The following PHLDA3 variants were observed in gnomAD, a reference collection of about 807,000 sequenced individuals.
The protein encoded by PHLDA3 is pleckstrin homology-like domain family A member 3.
A neutral mutation model predicts 7.6 loss-of-function variants in PHLDA3; 12 were observed. The ratio of observed to expected loss-of-function variants is 1.58; its 90% CI spans 1.01 to 2.55. PHLDA3 has a LOEUF of 2.55. PHLDA3 is among the 30% of genes most tolerant of loss of function. The pLI, the probability that PHLDA3 is intolerant of heterozygous loss-of-function variation, is 0.00. For synonymous variants in PHLDA3, 104 were observed against 85.1 expected (o/e 1.22, Z -1.23); for missense variants, 177 against 175.6 (o/e 1.01, Z -0.05).
Position 201,468,778 on chromosome 1 carries a change from C to T in PHLDA3, c.9G>A (p.Ala3=), listed in dbSNP as rs116041133. Residue 3 remains alanine, a synonymous_variant, in exon 1 of 2, where the codon GCG becomes GCA. Transcript: ENST00000367311. The stretch of plus-strand genomic sequence containing the variant: ...CCTTGAGCACGGTAGCCGTCGCCGC[C>T]GCCGTCATGGGCGCCCCGAGGTTCG... MT[A]AATATVLKEG... 3.5e-5 allele frequency: 55 copies of T among 1,555,352 alleles called. No individual in the cohort carries two copies. In the East Asian group the frequency reaches 1.3e-3, roughly 37 times the overall value.
intron 1 of PHLDA3, among the ~76,000 whole-genome samples, chr1:201,467,269 C>T (rs1195421091): frequency 6.6e-6 from 1 of 152,032 alleles, no homozygotes; most frequent in African/African-American, 2.4e-5. Context: ...TGAGCCATGA[C>T]TATGCTACTG....
chr1:201,467,260 G>T (rs1663684508), intron 1 of PHLDA3, among the ~76,000 whole-genome samples: 1 of 152,046 alleles, frequency 6.6e-6, no homozygotes, highest in Non-Finnish European at 1.5e-5. Flanking sequence ...AGGCTGCAGT[G>T]AGCCATGACT....
Position 201,465,607 on chromosome 1 carries a change from G to T in PHLDA3, c.*634C>A, listed in dbSNP as rs550274837. ...AGGCCGAACACCGCAGTGGGGGGAA[G>T]ATGCGTAGAGGTGGGGGAAGAAGTG... On this transcript the variant is annotated 3_prime_UTR_variant, in exon 2 of 2. Coordinates refer to ENST00000367311, the MANE Select transcript of PHLDA3 (RefSeq NM_012396.5). 28 of 155,168 alleles carry T rather than the reference G, an allele frequency of 1.8e-4. No homozygotes were observed. Among genetic ancestry groups the T allele is most frequent in the Non-Finnish European group, 4.4e-5 (3 of 68,384 alleles). The allele number at this position is 155,168 out of a possible 1,614,324, so 9.6% of individuals were successfully genotyped here. A position where few individuals can be genotyped will look rare whatever the true frequency, so the allele number is the denominator to read the frequency against.
rs182772133 is a variant in PHLDA3, at chr1:201,468,249, G to A, written c.*62+92C>T. ...AGGAACCTCCCCCCTAAGATGTCCG[G>A]CTCTGAAGTAGAATGCTAGTCCTCA... On this transcript the variant is annotated intron_variant, in intron 1 of 1. Coordinates refer to ENST00000367311, the MANE Select transcript of PHLDA3 (RefSeq NM_012396.5). 1,684 of 937,466 alleles carry A rather than the reference G, an allele frequency of 1.8e-3. 2 individuals are homozygous for A. Among genetic ancestry groups the A allele is most frequent in the Non-Finnish European group, 1.6e-3 (1,016 of 641,248 alleles). 58.1% of individuals were successfully genotyped at this position (937,466 alleles called of 1,614,324 possible). A position where few individuals can be genotyped will look rare whatever the true frequency, so the allele number is the denominator to read the frequency against.
At chr1:201,467,856 C>CA (rs1571761827) in intron 1 of PHLDA3, among the ~76,000 whole-genome samples, 1 of 152,222 alleles carries the variant, frequency 6.6e-6, no homozygotes, top group Non-Finnish European at 1.5e-5. Flanking sequence ...ATTCAATGCT[C>CA]AAACTTTATG....
Position 201,468,325 on chromosome 1 carries a change from T to A in PHLDA3, c.*62+16A>T, listed in dbSNP as rs1175396564. 4.0e-6 allele frequency: 6 copies of A among 1,502,344 alleles called. No individual in the cohort carries two copies. The Admixed American group carries it at 9.8e-5, about 25-fold the overall frequency. The allele number at this position is 1,502,344 out of a possible 1,614,324, so 93.1% of individuals were successfully genotyped here. A position where few individuals can be genotyped will look rare whatever the true frequency, so the allele number is the denominator to read the frequency against. ...GAGGGAAGGAGAGAAGAGGGCCCAG[T>A]CCCCCGGGGGCTTACCTGCCTTGAC... On this transcript the variant is annotated intron_variant, in intron 1 of 1. Coordinates refer to ENST00000367311, the MANE Select transcript of PHLDA3 (RefSeq NM_012396.5).
At chr1:201,467,256 C>T (rs569582832) in intron 1 of PHLDA3, among the ~76,000 whole-genome samples, 3 of 152,162 alleles carry the variant, frequency 2.0e-5, no homozygotes, top group Admixed American at 6.5e-5. Context: ...GTTGAGGCTG[C>T]AGTGAGCCAT....
chr1:201,465,822 G>A lies in PHLDA3; in HGVS notation c.*419C>T, dbSNP rs115173412. On this transcript the variant is annotated 3_prime_UTR_variant, in exon 2 of 2. Transcript: ENST00000367311. Reference sequence around the variant, plus strand: ...AGGCTGGCCTCCTGATTCCTGAGGCGTTGGCTCGGCACCCCATGGGGGACT... The same window carrying A: ...AGGCTGGCCTCCTGATTCCTGAGGCATTGGCTCGGCACCCCATGGGGGACT... 5.2e-3 allele frequency: 811 copies of A among 155,098 alleles called. 9 individuals are homozygous for A. Among genetic ancestry groups the A allele is most frequent in the African/African-American group, 0.018 (761 of 41,614 alleles). 9.6% of individuals were successfully genotyped at this position (155,098 alleles called of 1,614,324 possible). A position where few individuals can be genotyped will look rare whatever the true frequency, so the allele number is the denominator to read the frequency against.
At position 201,468,954 on chromosome 1, in the gene PHLDA3, G is replaced by A; in HGVS notation, c.-168C>T. 1.5e-6 allele frequency: 1 copy of A among 645,238 alleles called. No individual in the cohort carries two copies. The highest frequency in any genetic ancestry group is 3.8e-5 in the South Asian group (1 of 26,164). 40.0% of individuals were successfully genotyped at this position (645,238 alleles called of 1,614,324 possible). On this transcript the variant is annotated 5_prime_UTR_variant, in exon 1 of 2. Coordinates refer to ENST00000367311, the MANE Select transcript of PHLDA3 (RefSeq NM_012396.5). ...CCGCGGCCCTCAGCACCCGGCTGCCGGTGAGGTGGTGTCGGTGCCCCCAGC... is the reference window on the plus strand; with the variant it reads ...CCGCGGCCCTCAGCACCCGGCTGCCAGTGAGGTGGTGTCGGTGCCCCCAGC...
chr1:201,467,017 G>C (rs1663678776), intron 1 of PHLDA3, among the ~76,000 whole-genome samples: 1 of 152,178 alleles, frequency 6.6e-6, no homozygotes, highest in South Asian at 2.1e-4. Context: ...AAAACCCACT[G>C]TCAAGAATGG....
At position 201,468,427 on chromosome 1, in the gene PHLDA3, G is replaced by A. The variant is rs754158710; in HGVS notation, c.360C>T (p.Leu120=). The change falls in exon 1 of 2, where the codon CTC becomes CTT. Residue 120 remains leucine, a synonymous_variant. Coordinates refer to ENST00000367311, the MANE Select transcript of PHLDA3 (RefSeq NM_012396.5). ...TTTAGGACACGAGGGTCCCGGTCCC[G>A]AGGCTCTGCCGGGCCCGCACTGTCT... is the stretch of plus-strand genomic sequence containing the variant. ...AIQTVRARQS[L]GTGTLVS is the part of the protein sequence containing the mutation. 7 of 1,613,978 alleles carry A rather than the reference G, an allele frequency of 4.3e-6. No individual in the cohort carries two copies. The East Asian group carries it at 8.9e-5, about 21-fold the overall frequency.
At chr1:201,467,535 C>T in intron 1 of PHLDA3, 1 of 152,318 alleles carries the variant, frequency 6.6e-6, no homozygotes, top group Non-Finnish European at 1.5e-5. Context: ...TGCTTGAGCC[C>T]AGGAGGTAGA....
intron 1 of PHLDA3, chr1:201,467,604 C>G (rs1316212581): frequency 1.9e-5 from 3 of 154,114 alleles, no homozygotes; most frequent in African/African-American, 7.3e-5. Flanking sequence ...CAGCGAGACT[C>G]TGTCTCAAAC....
At position 201,465,310 on chromosome 1, in the gene PHLDA3, C is replaced by T. The variant is rs776298097; in HGVS notation, c.*931G>A. The T allele has an allele frequency of 2.0e-5, 3 of 152,348 alleles. No individual in the cohort carries two copies. The highest frequency in any genetic ancestry group is 4.8e-5 in the African/African-American group (2 of 41,442). The allele number at this position is 152,348 out of a possible 1,614,324, so 9.4% of individuals were successfully genotyped here. A position where few individuals can be genotyped will look rare whatever the true frequency, so the allele number is the denominator to read the frequency against. On this transcript the variant is annotated 3_prime_UTR_variant, in exon 2 of 2. Transcript: ENST00000367311. ...CTGAACTGACCAGCTTGACATCCCT[C>T]GGTCCAGAATCTATGGGCCCTCCTT...
chr1:201,469,110 T>C lies in PHLDA3; in HGVS notation c.-324A>G. ...GCCGTGAGCCCCACCGCCCGCCCGT[T>C]CTCTTGCTCCCCTGGGCTCTGTCTG... On this transcript the variant is annotated 5_prime_UTR_variant, in exon 1 of 2. Transcript: ENST00000367311. 3.5e-6 allele frequency: 1 copy of C among 283,376 alleles called. No homozygotes were observed. Among genetic ancestry groups the C allele is most frequent in the Non-Finnish European group, 6.5e-6 (1 of 153,814 alleles). 17.6% of individuals were successfully genotyped at this position (283,376 alleles called of 1,614,324 possible).
At position 201,465,807 on chromosome 1, in the gene PHLDA3, C is replaced by T. The variant is rs267598300; in HGVS notation, c.*434G>A. 3 of 154,922 alleles carry T rather than the reference C, an allele frequency of 1.9e-5. No individual in the cohort carries two copies. The highest frequency in any genetic ancestry group is 4.8e-5 in the African/African-American group (2 of 41,514). 9.6% of individuals were successfully genotyped at this position (154,922 alleles called of 1,614,324 possible). On this transcript the variant is annotated 3_prime_UTR_variant, in exon 2 of 2. Transcript: ENST00000367311. ...ACTCCTTTTGGTACCAGGCTGGCCT[C>T]CTGATTCCTGAGGCGTTGGCTCGGC...
Position 201,469,121 on chromosome 1 carries a change from C to G in PHLDA3, c.-335G>C, listed in dbSNP as rs1207405653. 7.6e-6 allele frequency: 2 copies of G among 263,114 alleles called. No individual in the cohort carries two copies. The highest frequency in any genetic ancestry group is 2.2e-5 in the African/African-American group (1 of 44,472). The allele number at this position is 263,114 out of a possible 1,614,324, so 16.3% of individuals were successfully genotyped here. On this transcript the variant is annotated 5_prime_UTR_variant, in exon 1 of 2. Transcript: ENST00000367311. ...CACCGCCCGCCCGTTCTCTTGCTCCCCTGGGCTCTGTCTGCGCGCTGGGCG... is the reference window on the plus strand; with the variant it reads ...CACCGCCCGCCCGTTCTCTTGCTCCGCTGGGCTCTGTCTGCGCGCTGGGCG...
rs1484109126 is a variant in PHLDA3 at position 201,466,053 on chromosome 1, G to A, written c.*188C>T. ...GCATCTTCATCCTCAGCCCTGCGTA[G>A]CCTTCTGCCCTCCTCCCAGGGCTCG... is the stretch of plus-strand genomic sequence containing the variant. On this transcript the variant is annotated 3_prime_UTR_variant, in exon 2 of 2. Transcript: ENST00000367311. 1.3e-5 allele frequency: 2 copies of A among 155,186 alleles called. No individual in the cohort carries two copies. Among genetic ancestry groups the A allele is most frequent in the Non-Finnish European group, 2.9e-5 (2 of 68,564 alleles). The allele number at this position is 155,186 out of a possible 1,614,324, so 9.6% of individuals were successfully genotyped here. A position where few individuals can be genotyped will look rare whatever the true frequency, so the allele number is the denominator to read the frequency against.
At position 201,468,463 on chromosome 1, in the gene PHLDA3, C is replaced by G. The variant is rs1021246786; in HGVS notation, c.324G>C (p.Gln108His). 3.1e-6 allele frequency: 5 copies of G among 1,614,174 alleles called. No individual in the cohort carries two copies. Among genetic ancestry groups the G allele is most frequent in the Non-Finnish European group, 4.2e-6 (5 of 1,180,014 alleles). ...GGGCCCGCACTGTCTGGATGGCCTG[C>G]TGGTTCTTGAACTTGACCAGGCCTA... is the stretch of plus-strand genomic sequence containing the variant. ...ITLGLVKFKN[Q>H]QAIQTVRARQ... The change falls in exon 1 of 2, where the codon CAG becomes CAC. Residue 108 changes from glutamine to histidine, a missense_variant. Gln to His is a conservative substitution (Grantham distance 24, BLOSUM62 0). Transcript: ENST00000367311.
Sources: allele counts gnomAD v4.1 joint callset (sites outside exome capture counted in the v4.1 genomes callset), GRCh38; gene constraint gnomAD v4.1.1; transcripts MANE v1.5; gene names NCBI Gene and HGNC (gene_info 2026-07-23, HGNC 2026-07-21).